The following DOCK5 variants were observed in gnomAD, a reference collection of about 807,000 sequenced individuals.
DOCK5 encodes dedicator of cytokinesis 5.
A neutral mutation model predicts 251.8 loss-of-function variants in DOCK5; 142 were observed. That is an observed-to-expected ratio of 0.56 (90% CI 0.49 to 0.65). The LOEUF (loss-of-function observed/expected upper bound fraction) is 0.65. Among genes scored for constraint, DOCK5 ranks in the 30% least tolerant of loss-of-function variants. DOCK5 has a pLI of 0.00. For missense variants in DOCK5, 2,111 were observed against 2,312.3 expected (o/e 0.91, Z 1.79); for synonymous variants, 842 against 835.5 (o/e 1.01, Z -0.13).
chr8:25,323,933 C>G lies in DOCK5; in HGVS notation c.1701C>G (p.His567Gln). The G allele has an allele frequency of 6.2e-7, 1 of 1,612,180 alleles. No homozygotes were observed. The highest frequency in any genetic ancestry group is 8.5e-7 in the Non-Finnish European group (1 of 1,179,146). Residue 567 changes from histidine (H) to glutamine (Q), a missense_variant, in exon 17 of 52, where the codon CAC becomes CAG. Physicochemically the swap from His to Gln is conservative, Grantham distance 24. Coordinates refer to ENST00000276440, the MANE Select transcript of DOCK5 (RefSeq NM_024940.8). The stretch of plus-strand genomic sequence containing the variant: ...GCACCACTCTGCAGGATGGGAGGCA[C>G]GATCTGGTGGTTTATAAGGTGGTGC... ...PDGTTLQDGR[H>Q]DLVVYKGDNK...
chr8:25,349,245 C>T lies in DOCK5; in HGVS notation c.2755-2486C>T, dbSNP rs185923278. Among the ~76,000 whole-genome samples the T allele has an allele frequency of 2.6e-5, 4 of 152,252 alleles. No individual in the cohort carries two copies. The East Asian group carries it at 7.7e-4, about 29-fold the overall frequency. ...ACGTGGTGAAAGGGGAACATTGTTA[C>T]ACTGCTGGGGGAATGCAAATTATTA... is the stretch of plus-strand genomic sequence containing the variant. On this transcript the variant is annotated intron_variant, in intron 26 of 51. Transcript: ENST00000276440.
At chr8:25,302,535 A>G (rs549328535) in intron 10 of DOCK5, 81 bp downstream of exon 10, 1 of 1,416,010 alleles carries the variant, frequency 7.1e-7, no homozygotes, top group Non-Finnish European at 9.3e-7. Flanking sequence ...AAAATTAAAC[A>G]TGGAACTAGC....
Position 25,253,886 on chromosome 8 carries a change from G to T in DOCK5, c.127+10129G>T, listed in dbSNP as rs4872299. ...CCCAGACAGTTATTTTGTGGATATC[G>T]ACAGATGGATTCTAAAGTTATGTGG... is the stretch of plus-strand genomic sequence containing the variant. On this transcript the variant is annotated intron_variant, in intron 2 of 51. Transcript: ENST00000276440. Among the ~76,000 whole-genome samples the T allele has an allele frequency of 7.4e-4, 113 of 152,296 alleles. No homozygotes were observed. The East Asian group carries it at 0.016, about 21-fold the overall frequency.
At chr8:25,226,937 G>A (rs1048122927) in intron 1 of DOCK5, among the ~76,000 whole-genome samples, 3 of 152,166 alleles carry the variant, frequency 2.0e-5, no homozygotes, top group Non-Finnish European at 2.9e-5. Context: ...AGCAAATATA[G>A]ATCTGACTCA....
intron 2 of DOCK5, among the ~76,000 whole-genome samples, chr8:25,245,149 C>T (rs145382120): frequency 0.022 from 3,391 of 152,000 alleles, 56 homozygotes; most frequent in South Asian, 0.054. Context: ...CTCCACCTTC[C>T]GGGTTCATGC....
intron 2 of DOCK5, among the ~76,000 whole-genome samples, chr8:25,245,117 C>G (rs1803064719): frequency 6.6e-6 from 1 of 152,156 alleles, no homozygotes; most frequent in Admixed American, 6.5e-5. Flanking sequence ...AGTGCAGTGA[C>G]ACGATCTCAG....
At chr8:25,315,470 G>A (rs530279168) in intron 13 of DOCK5, among the ~76,000 whole-genome samples, 31 of 152,250 alleles carry the variant, frequency 2.0e-4, no homozygotes, top group Admixed American at 2.0e-3. Flanking sequence ...CTGGTGAGTG[G>A]CTCACCATAG....
At chr8:25,410,292 T>G in intron 51 of DOCK5, 90 bp downstream of exon 51, 2 of 1,111,054 alleles carry the variant, frequency 1.8e-6, no homozygotes, top group South Asian at 2.7e-5. Context: ...GTGGGCAGGT[T>G]TGCTCATAGA....
chr8:25,242,761 A>T (rs1180110437), intron 1 of DOCK5, among the ~76,000 whole-genome samples: 1 of 152,090 alleles, frequency 6.6e-6, no homozygotes, highest in Admixed American at 6.5e-5. Flanking sequence ...GGTCACCTTG[A>T]TTAGGAAGTG....
chr8:25,281,358 G>T (rs1279005669), intron 5 of DOCK5, among the ~76,000 whole-genome samples: 1 of 150,922 alleles, frequency 6.6e-6, no homozygotes, highest in Non-Finnish European at 1.5e-5. Flanking sequence ...AGAATCGCTT[G>T]AACTGGGGAG....
Position 25,184,879 on chromosome 8 carries a change from T to TCGC in DOCK5, c.-20_-18dup. 1 of 1,366,458 alleles carries TCGC rather than the reference T, an allele frequency of 7.3e-7. No homozygotes were observed. The highest frequency in any genetic ancestry group is 9.5e-7 in the Non-Finnish European group (1 of 1,052,840). The allele number at this position is 1,366,458 out of a possible 1,614,324, so 84.6% of individuals were successfully genotyped here. A position where few individuals can be genotyped will look rare whatever the true frequency, so the allele number is the denominator to read the frequency against. ...GCCCGAGGAGCTGTAGCAGCCTTAG[T>TCGC]CGCCGCCGCCGCGGGGCGAGGTCGC... On this transcript the variant is annotated 5_prime_UTR_variant, in exon 1 of 52. Coordinates refer to ENST00000276440, the MANE Select transcript of DOCK5 (RefSeq NM_024940.8).
chr8:25,291,259 C>T (rs1035692387), intron 5 of DOCK5, among the ~76,000 whole-genome samples: 1 of 152,178 alleles, frequency 6.6e-6, no homozygotes, highest in African/African-American at 2.4e-5. Context: ...CTACAATCAC[C>T]AGTTTCCACA....
At chr8:25,374,961 A>G (rs1313670774) in intron 37 of DOCK5, 2 of 1,215,434 alleles carry the variant, frequency 1.6e-6, no homozygotes, top group Non-Finnish European at 2.1e-6. Context: ...GTAAAACTGC[A>G]GAAAACTGCA....
chr8:25,390,943 G>A (rs1365582092), intron 42 of DOCK5, among the ~76,000 whole-genome samples: 2 of 151,922 alleles, frequency 1.3e-5, no homozygotes, highest in Non-Finnish European at 2.9e-5. Flanking sequence ...CAAGTAGCTG[G>A]GATTACAGGT....
At position 25,275,455 on chromosome 8, in the gene DOCK5, T is replaced by C. The variant is rs1804023865; in HGVS notation, c.224+14T>C. The C allele has an allele frequency of 1.2e-6, 2 of 1,601,668 alleles. No individual in the cohort carries two copies. The highest frequency in any genetic ancestry group is 2.7e-5 in the African/African-American group (2 of 74,110). On this transcript the variant is annotated intron_variant, in intron 4 of 51. Transcript: ENST00000276440. ...GGAAGACCTGGGGTAAGTTCCAAGC[T>C]AGGAAGATTCCCCAAAAATGATGAA...
chr8:25,310,586 C>A, intron 13 of DOCK5, 54 bp downstream of exon 13: 1 of 1,523,330 alleles, frequency 6.6e-7, no homozygotes, highest in Non-Finnish European at 8.8e-7. Flanking sequence ...GCGATTATTT[C>A]TTATTGGACG....
At chr8:25,392,991 T>G in intron 44 of DOCK5, 109 bp downstream of exon 44, 1 of 868,964 alleles carries the variant, frequency 1.2e-6, no homozygotes, top group East Asian at 2.7e-5. Flanking sequence ...CAGCCTCCTC[T>G]GGCCAACTTT....
At chr8:25,224,162 A>G (rs2117505100) in intron 1 of DOCK5, among the ~76,000 whole-genome samples, 1 of 152,218 alleles carries the variant, frequency 6.6e-6, no homozygotes, top group African/African-American at 2.4e-5. Flanking sequence ...TCTCTTGCCC[A>G]GGCTAGAGCA....
chr8:25,334,000 G>T, intron 20 of DOCK5, 96 bp from the exon 21 acceptor site: 2 of 862,128 alleles, frequency 2.3e-6, no homozygotes, highest in South Asian at 1.4e-5. Context: ...AAAAGATCCA[G>T]AGAGGAAAGA....
Sources: allele counts gnomAD v4.1 joint callset (sites outside exome capture counted in the v4.1 genomes callset), GRCh38; gene constraint gnomAD v4.1.1; transcripts MANE v1.5; gene names NCBI Gene and HGNC (gene_info 2026-07-23, HGNC 2026-07-21).